The following ANKS1B variants were observed in gnomAD, a reference collection of about 807,000 sequenced individuals.
ANKS1B encodes the protein ankyrin repeat and sterile alpha motif domain containing 1B.
ANKS1B carries 36 observed loss-of-function variants against 148.3 expected under a neutral mutation model. That is an observed-to-expected ratio of 0.24 (90% CI 0.19 to 0.32). ANKS1B has a LOEUF of 0.32. Ranked by LOEUF, ANKS1B falls within the 10% of genes least tolerant of loss-of-function variation. The pLI is 1.00. For synonymous variants in ANKS1B, 542 were observed against 560.8 expected, an observed-to-expected ratio of 0.97 and a Z score of 0.47; for missense variants, 1,157 against 1,542.6, an observed-to-expected ratio of 0.75 and a Z score of 4.19.
At chr12:99,444,438 T>A (rs2095602156) in intron 10 of ANKS1B, among the ~76,000 whole-genome samples, 1 of 151,982 alleles carries the variant, frequency 6.6e-6, no homozygotes, top group Non-Finnish European at 1.5e-5. Context: ...AATTTCAGAA[T>A]CTAAATTAAT....
chr12:99,525,735 T>C (rs1250635058), intron 9 of ANKS1B, among the ~76,000 whole-genome samples: 1 of 152,160 alleles, frequency 6.6e-6, no homozygotes, highest in Non-Finnish European at 1.5e-5. Flanking sequence ...AATTAGCAAA[T>C]ATATTTGTTA....
chr12:99,942,457 T>C (rs1307379243), intron 1 of ANKS1B, among the ~76,000 whole-genome samples: 3 of 151,938 alleles, frequency 2.0e-5, no homozygotes, highest in Non-Finnish European at 4.4e-5. Flanking sequence ...AACAAACTGC[T>C]CTCTTGAAGT....
chr12:99,027,702 A>T (rs1394372008), intron 17 of ANKS1B, among the ~76,000 whole-genome samples: 2 of 152,268 alleles, frequency 1.3e-5, no homozygotes, highest in Non-Finnish European at 2.9e-5. Flanking sequence ...GCACAGAGAC[A>T]TGCCATCAGA....
chr12:99,106,406 C>A (rs1015286700), intron 15 of ANKS1B, among the ~76,000 whole-genome samples: 11 of 152,238 alleles, frequency 7.2e-5, no homozygotes, highest in African/African-American at 2.4e-4. Flanking sequence ...TGTCCTTCTA[C>A]ACTTGAGTGG....
At chr12:98,797,796 ATAT>A (rs2098963417) in intron 22 of ANKS1B, among the ~76,000 whole-genome samples, 3 of 152,188 alleles carry the variant, frequency 2.0e-5, no homozygotes, top group Admixed American at 6.5e-5. Context: ...CAGTGTAATT[ATAT>A]GCTCTTAAAT....
intron 4 of ANKS1B, among the ~76,000 whole-genome samples, chr12:99,794,460 T>TGTACACACACACACAC (rs1555616401): frequency 2.1e-5 from 3 of 143,660 alleles, no homozygotes; most frequent in African/African-American, 7.8e-5. Context: ...GAAAATGTGG[T>TGTACACACACACACAC]ACACACACAC....
At chr12:99,195,319 C>T (rs1260860816) in intron 14 of ANKS1B, among the ~76,000 whole-genome samples, 1 of 152,108 alleles carries the variant, frequency 6.6e-6, no homozygotes, top group Non-Finnish European at 1.5e-5. Flanking sequence ...TATTAAATCT[C>T]TTCTGAAAAT....
chr12:99,931,318 G>C (rs1286730387), intron 1 of ANKS1B, among the ~76,000 whole-genome samples: 1 of 150,856 alleles, frequency 6.6e-6, no homozygotes, highest in Non-Finnish European at 1.5e-5. Context: ...TTGTGCACAT[G>C]TACCCTAAAA....
chr12:98,863,932 A>G (rs181613148), intron 17 of ANKS1B, among the ~76,000 whole-genome samples: 1 of 152,368 alleles, frequency 6.6e-6, no homozygotes, highest in East Asian at 1.9e-4. Context: ...CATACGTGGC[A>G]ACAGATTTAC....
intron 9 of ANKS1B, among the ~76,000 whole-genome samples, chr12:99,560,644 A>G (rs921902812): frequency 6.6e-6 from 1 of 152,148 alleles, no homozygotes; most frequent in African/African-American, 2.4e-5. Context: ...GTGCAATAGC[A>G]TTATATCTAT....
At chr12:98,919,335 T>C (rs959628639) in intron 17 of ANKS1B, among the ~76,000 whole-genome samples, 1 of 152,228 alleles carries the variant, frequency 6.6e-6, no homozygotes, top group Non-Finnish European at 1.5e-5. Flanking sequence ...GAATCAACCA[T>C]GGATTACTTC....
intron 1 of ANKS1B, among the ~76,000 whole-genome samples, chr12:99,983,274 A>C (rs2095733859): frequency 6.6e-6 from 1 of 152,182 alleles, no homozygotes; most frequent in South Asian, 2.1e-4. Context: ...CCATCAATAC[A>C]ACTTTTAATA....
chr12:98,866,909 T>A (rs895488905), intron 17 of ANKS1B, among the ~76,000 whole-genome samples: 1 of 152,166 alleles, frequency 6.6e-6, no homozygotes, highest in Non-Finnish European at 1.5e-5. Context: ...AGGTTTTGAA[T>A]ATGGGCAAGG....
At chr12:98,992,224 A>G (rs943970238) in intron 17 of ANKS1B, among the ~76,000 whole-genome samples, 3 of 152,096 alleles carry the variant, frequency 2.0e-5, no homozygotes, top group Non-Finnish European at 4.4e-5. Context: ...GGCTTTTACA[A>G]TTGTTGTGTC....
At chr12:99,153,058 A>C (rs1168771289) in intron 15 of ANKS1B, among the ~76,000 whole-genome samples, 2 of 152,174 alleles carry the variant, frequency 1.3e-5, no homozygotes, top group African/African-American at 4.8e-5. Flanking sequence ...ATCACTCATA[A>C]AGCATTCTGT....
At chr12:99,144,121 T>G (rs950614922) in intron 15 of ANKS1B, among the ~76,000 whole-genome samples, 5 of 152,160 alleles carry the variant, frequency 3.3e-5, no homozygotes, top group Non-Finnish European at 7.4e-5. Context: ...GTTATATTAT[T>G]AAATTGGCTA....
chr12:99,926,577 C>T (rs1232225513), intron 1 of ANKS1B, among the ~76,000 whole-genome samples: 1 of 152,242 alleles, frequency 6.6e-6, no homozygotes, highest in Admixed American at 6.5e-5. Context: ...AACCACATCG[C>T]TGGCTCTCCT....
chr12:99,078,203 C>A (rs1223622441), intron 16 of ANKS1B, among the ~76,000 whole-genome samples: 1 of 152,178 alleles, frequency 6.6e-6, no homozygotes, highest in African/African-American at 2.4e-5. Context: ...TAAATGACCA[C>A]TTGTAACTTT....
intron 17 of ANKS1B, among the ~76,000 whole-genome samples, chr12:98,876,682 G>A (rs184192066): frequency 1.3e-5 from 2 of 152,264 alleles, no homozygotes; most frequent in Admixed American, 1.3e-4. Flanking sequence ...TTGACAATAG[G>A]AAGCATCATC....
Sources: allele counts gnomAD v4.1 joint callset (sites outside exome capture counted in the v4.1 genomes callset), GRCh38; gene constraint gnomAD v4.1.1; transcripts MANE v1.5; gene names NCBI Gene and HGNC (gene_info 2026-07-23, HGNC 2026-07-21).